The following SPAST variants were observed in gnomAD, a reference collection of about 807,000 sequenced individuals.
SPAST encodes the protein spastin, also known as spastic paraplegia 4 (autosomal dominant; spastin).
In SPAST, 30 loss-of-function variants were observed where a neutral mutation model predicts 76.6. That is an observed-to-expected ratio of 0.39 (90% CI 0.29 to 0.53). SPAST has a LOEUF of 0.53. Ranked by LOEUF, SPAST falls within the 20% of genes least tolerant of loss-of-function variation. The probability of loss-of-function intolerance (pLI) is 0.68; values close to 1 mark genes in which losing one functional copy is unlikely to be tolerated. For missense variants in SPAST, 717 were observed against 770.5 expected (o/e 0.93, Z 0.82); for synonymous variants, 305 against 281.0 (o/e 1.09, Z -0.86).
intron 1 of SPAST, among the ~76,000 whole-genome samples, chr2:32,083,958 T>A (rs892858122): frequency 1.6e-4 from 24 of 148,420 alleles, no homozygotes; most frequent in African/African-American, 6.0e-4. Context: ...TTTGTATTTT[T>A]AGTAGAGGTG....
intron 1 of SPAST, 41 bp downstream of exon 1, chr2:32,064,287 GA>G: frequency 1.6e-6 from 1 of 632,852 alleles, no homozygotes; most frequent in Admixed American, 2.7e-5. Context: ...GCGCCGGGAA[GA>G]AGGCGGTGGG....
At chr2:32,133,215 T>C (rs1422762405) in intron 9 of SPAST, among the ~76,000 whole-genome samples, 5 of 152,250 alleles carry the variant, frequency 3.3e-5, no homozygotes, top group African/African-American at 7.2e-5. Flanking sequence ...TATCTTAACA[T>C]GTTGTATTAT....
At position 32,064,261 on chromosome 2, in the gene SPAST, G is replaced by T. The variant is rs1258830077; in HGVS notation, c.415+15G>T. 3.2e-6 allele frequency: 5 copies of T among 1,541,294 alleles called. No individual in the cohort carries two copies. The South Asian group carries it at 6.0e-5, about 18-fold the overall frequency. Reference sequence around the variant, plus strand: ...GGATGAGAAAGGTAACTAGGGGGCTGGGGGAGGGGGCGGCGGCGCCGGGAA... The same window carrying T: ...GGATGAGAAAGGTAACTAGGGGGCTTGGGGAGGGGGCGGCGGCGCCGGGAA... On this transcript the variant is annotated intron_variant, in intron 1 of 16. Coordinates refer to ENST00000315285, the MANE Select transcript of SPAST (RefSeq NM_014946.4).
chr2:32,076,916 C>T (rs1216417279), intron 1 of SPAST, among the ~76,000 whole-genome samples: 1 of 151,918 alleles, frequency 6.6e-6, no homozygotes, highest in East Asian at 1.9e-4. Flanking sequence ...CGTTGTGTCG[C>T]CCAGGCTAGA....
At chr2:32,071,729 TATCTA>T (rs1036643251) in intron 1 of SPAST, among the ~76,000 whole-genome samples, 1 of 152,206 alleles carries the variant, frequency 6.6e-6, no homozygotes, top group Non-Finnish European at 1.5e-5. Flanking sequence ...CAAAAGAGCT[TATCTA>T]AAGTCCTGGA....
At position 32,136,647 on chromosome 2, in the gene SPAST, A is replaced by G. The variant is rs201349526; in HGVS notation, c.1321+9A>G. ...TTCTATAATTTTTATAGGTAAGAAC[A>G]TATTTTCCAACTAAGTTATTGACTA... is the stretch of plus-strand genomic sequence containing the variant. On this transcript the variant is annotated intron_variant, in intron 10 of 16. Transcript: ENST00000315285. The G allele has an allele frequency of 3.4e-5, 54 of 1,600,964 alleles. No individual in the cohort carries two copies. Among genetic ancestry groups the G allele is most frequent in the Non-Finnish European group, 4.3e-5 (50 of 1,168,292 alleles).
chr2:32,081,781 C>CAAAAAA (rs34078147), intron 1 of SPAST, among the ~76,000 whole-genome samples: 18 of 44,386 alleles, frequency 4.1e-4, no homozygotes, highest in East Asian at 9.4e-4. Context: ...GAGACACTGT[C>CAAAAAA]AAAAAAAAAA....
chr2:32,148,845 G>A (rs1360379294), intron 16 of SPAST, among the ~76,000 whole-genome samples: 3 of 148,664 alleles, frequency 2.0e-5, no homozygotes, highest in African/African-American at 7.4e-5. Context: ...ATGGTGGCAC[G>A]TGCCTGTGGT....
intron 15 of SPAST, among the ~76,000 whole-genome samples, chr2:32,146,851 C>CAAAAA (rs397984237): frequency 5.2e-4 from 10 of 19,244 alleles, no homozygotes; most frequent in Non-Finnish European, 9.9e-4. Flanking sequence ...GACTCTGTCT[C>CAAAAA]AAAAAAAAAA....
At position 32,126,939 on chromosome 2, in the gene SPAST, A is replaced by G. The variant is rs756554507; in HGVS notation, c.1099-9A>G. Reference sequence around the variant, plus strand: ...ATCATAGTTGTAAACTAAAGTATATATTTTTTAGTTGTTCACAGGGCTTAG... The same window carrying G: ...ATCATAGTTGTAAACTAAAGTATATGTTTTTTAGTTGTTCACAGGGCTTAG... On this transcript the variant is annotated splice_polypyrimidine_tract_variant and intron_variant, in intron 7 of 16. Coordinates refer to ENST00000315285, the MANE Select transcript of SPAST (RefSeq NM_014946.4). 1.9e-6 allele frequency: 3 copies of G among 1,590,746 alleles called. No individual in the cohort carries two copies. Among genetic ancestry groups the G allele is most frequent in the Non-Finnish European group, 2.6e-6 (3 of 1,159,124 alleles).
At chr2:32,135,041 C>T (rs976804347) in intron 9 of SPAST, among the ~76,000 whole-genome samples, 1 of 151,770 alleles carries the variant, frequency 6.6e-6, no homozygotes, top group African/African-American at 2.4e-5. Flanking sequence ...GAAAGTATAA[C>T]TTTAGGCCTG....
chr2:32,064,193 A>G lies in SPAST; in HGVS notation c.362A>G (p.Lys121Arg). The change falls in exon 1 of 17, where the codon AAA (lysine) becomes AGA (arginine). Residue 121 changes from lysine (K) to arginine (R), a missense_variant. By Grantham distance (26) the Lys-to-Arg change is conservative. Coordinates refer to ENST00000315285, the MANE Select transcript of SPAST (RefSeq NM_014946.4). ...GCCGAGCGCGTCCGAGTCTTCCACA[A>G]ACAGGCCTTCGAGTACATCTCCATT... ...GEAERVRVFH[K>R]QAFEYISIAL... 6 of 1,551,268 alleles carry G rather than the reference A, an allele frequency of 3.9e-6. No individual in the cohort carries two copies. The highest frequency in any genetic ancestry group is 5.2e-6 in the Non-Finnish European group (6 of 1,148,136).
intron 1 of SPAST, among the ~76,000 whole-genome samples, chr2:32,067,638 A>G (rs942429234): frequency 2.6e-5 from 4 of 151,762 alleles, no homozygotes; most frequent in African/African-American, 9.7e-5. Context: ...TATTAAATAT[A>G]TAAAAATAAT....
chr2:32,131,200 C>T (rs1323336005), intron 9 of SPAST, among the ~76,000 whole-genome samples: 1 of 152,148 alleles, frequency 6.6e-6, no homozygotes, highest in Non-Finnish European at 1.5e-5. Context: ...TTTCCTTTCT[C>T]AGGAACACTA....
chr2:32,126,419 T>C (rs1679193072), intron 7 of SPAST: 3 of 151,920 alleles, frequency 2.0e-5, no homozygotes, highest in Admixed American at 6.6e-5. Flanking sequence ...CAATATGTCT[T>C]GTTTAAGCAG....
chr2:32,084,918 A>C, intron 1 of SPAST, among the ~76,000 whole-genome samples: 1 of 148,074 alleles, frequency 6.8e-6, no homozygotes, highest in Non-Finnish European at 1.5e-5. Flanking sequence ...AAAGGGAAGG[A>C]GCATGGGAAT....
At chr2:32,143,490 A>G in intron 14 of SPAST, 75 bp downstream of exon 14, 1 of 853,678 alleles carries the variant, frequency 1.2e-6, no homozygotes, top group East Asian at 2.7e-5. Context: ...TAGTTATTTA[A>G]AGTAATCTTA....
At chr2:32,067,820 C>A (rs1573034527) in intron 1 of SPAST, among the ~76,000 whole-genome samples, 2 of 146,164 alleles carry the variant, frequency 1.4e-5, no homozygotes, top group African/African-American at 2.5e-5. Context: ...GAAATTTCAA[C>A]AATATTTTGA....
chr2:32,149,087 TTTAA>T (rs889998381), intron 16 of SPAST, among the ~76,000 whole-genome samples: 1 of 152,006 alleles, frequency 6.6e-6, no homozygotes, highest in African/African-American at 2.4e-5. Context: ...CCTTTATTTT[TTTAA>T]TTAATTTCTT....
Sources: allele counts gnomAD v4.1 joint callset (sites outside exome capture counted in the v4.1 genomes callset), GRCh38; gene constraint gnomAD v4.1.1; transcripts MANE v1.5; gene names NCBI Gene and HGNC (gene_info 2026-07-23, HGNC 2026-07-21).